The following FHIT variants were observed in gnomAD, a reference collection of about 807,000 sequenced individuals.
FHIT encodes the protein fragile histidine triad diadenosine triphosphatase.
Under a neutral mutation model 17.9 loss-of-function variants are expected in FHIT, and 19 were observed. The ratio of observed to expected loss-of-function variants is 1.06; its 90% CI spans 0.74 to 1.56. FHIT has a LOEUF of 1.56. Ranked by LOEUF, FHIT falls within the 40% of genes most tolerant of loss-of-function variation. FHIT has a pLI of 0.00. For missense variants in FHIT, 248 were observed against 189.2 expected, an observed-to-expected ratio of 1.31 and a Z score of -1.82; for synonymous variants, 81 against 69.7, an observed-to-expected ratio of 1.16 and a Z score of -0.81.
intron 4 of FHIT, among the ~76,000 whole-genome samples, chr3:60,557,692 G>A (rs2036789085): frequency 6.6e-6 from 1 of 151,830 alleles, no homozygotes; most frequent in African/African-American, 2.4e-5. Flanking sequence ...CAGTTACTAA[G>A]GGTAATTTAT....
chr3:59,831,289 T>A (rs1701154338), intron 8 of FHIT, among the ~76,000 whole-genome samples: 1 of 152,160 alleles, frequency 6.6e-6, no homozygotes. Context: ...ATGATGATGA[T>A]GATGATGATG....
Position 60,411,054 on chromosome 3 carries a change from ACC to A in FHIT, c.103+125804_103+125805del, listed in dbSNP as rs140278275. ...TTTGACAGGAGATGGAGAAGCATTA[ACC>A]CCTTATACCTATATATCTAAAATGG... On this transcript the variant is annotated intron_variant, in intron 5 of 9. Coordinates refer to ENST00000492590, the MANE Select transcript of FHIT (RefSeq NM_002012.4). Among the ~76,000 whole-genome samples the A allele has an allele frequency of 6.9e-3, 1,052 of 152,202 alleles. 9 individuals carry two copies. Among genetic ancestry groups the A allele is most frequent in the African/African-American group, 0.024 (997 of 41,532 alleles).
intron 1 of FHIT, among the ~76,000 whole-genome samples, chr3:61,248,075 T>C (rs989735688): frequency 1.3e-5 from 2 of 152,228 alleles, no homozygotes; most frequent in African/African-American, 2.4e-5. Context: ...CCTTGGAGAA[T>C]GATCTCAAAG....
intron 7 of FHIT, among the ~76,000 whole-genome samples, 159 bp downstream of exon 7, chr3:60,011,212 G>A (rs1318219988): frequency 6.6e-6 from 1 of 152,216 alleles, no homozygotes; most frequent in Non-Finnish European, 1.5e-5. Context: ...GTTTGGCAGA[G>A]TTTATAATGT....
intron 5 of FHIT, among the ~76,000 whole-genome samples, chr3:60,144,717 C>G (rs1183320288): frequency 6.6e-6 from 1 of 152,000 alleles, no homozygotes; most frequent in Non-Finnish European, 1.5e-5. Flanking sequence ...TATCCATCAC[C>G]TCATGCACTT....
chr3:60,304,477 C>T (rs1708586372), intron 5 of FHIT, among the ~76,000 whole-genome samples: 1 of 151,654 alleles, frequency 6.6e-6, no homozygotes, highest in Non-Finnish European at 1.5e-5. Context: ...GAATTTAATC[C>T]TCCCAACAAC....
chr3:59,872,462 C>T (rs189413433), intron 8 of FHIT, among the ~76,000 whole-genome samples: 16 of 152,182 alleles, frequency 1.1e-4, no homozygotes, highest in Admixed American at 3.3e-4. Flanking sequence ...TAGAAGACAA[C>T]GGCTTTGGTA....
At chr3:60,903,237 A>G (rs1211919255) in intron 3 of FHIT, among the ~76,000 whole-genome samples, 1 of 152,146 alleles carries the variant, frequency 6.6e-6, no homozygotes, top group Non-Finnish European at 1.5e-5. Context: ...TCAATGCAGA[A>G]CTCCAGTGCT....
chr3:60,779,538 A>G (rs1700313887), intron 4 of FHIT, among the ~76,000 whole-genome samples: 1 of 152,188 alleles, frequency 6.6e-6, no homozygotes, highest in Non-Finnish European at 1.5e-5. Flanking sequence ...ACGTATCCAA[A>G]TCCTGGCAAG....
At chr3:61,212,982 C>G (rs4605538) in intron 1 of FHIT, among the ~76,000 whole-genome samples, 4,115 of 152,202 alleles carry the variant, frequency 0.027, 81 homozygotes, top group Non-Finnish European at 0.039. Context: ...ACCAGGCCTG[C>G]CCTAAAAGAG....
intron 5 of FHIT, among the ~76,000 whole-genome samples, chr3:60,413,406 T>A (rs1273539999): frequency 1.3e-5 from 2 of 152,132 alleles, no homozygotes; most frequent in Non-Finnish European, 2.9e-5. Flanking sequence ...CTTCCCTGAT[T>A]TTAACAATGA....
At chr3:61,209,878 G>A (rs972905544) in intron 1 of FHIT, among the ~76,000 whole-genome samples, 1 of 152,232 alleles carries the variant, frequency 6.6e-6, no homozygotes, top group Non-Finnish European at 1.5e-5. Flanking sequence ...TTTGGAGGAG[G>A]AGAGGCACTC....
At chr3:60,429,850 A>G (rs1576639745) in intron 5 of FHIT, among the ~76,000 whole-genome samples, 1 of 152,078 alleles carries the variant, frequency 6.6e-6, no homozygotes, top group Non-Finnish European at 1.5e-5. Flanking sequence ...CTAAGTGAGG[A>G]GGTGGAAGAA....
At chr3:59,927,746 G>C (rs1705745205) in intron 7 of FHIT, among the ~76,000 whole-genome samples, 1 of 151,944 alleles carries the variant, frequency 6.6e-6, no homozygotes, top group Admixed American at 6.6e-5. Context: ...TCCAGCCTGG[G>C]TGACAGAGCA....
At chr3:60,745,424 G>C (rs782540021) in intron 4 of FHIT, among the ~76,000 whole-genome samples, 4 of 152,162 alleles carry the variant, frequency 2.6e-5, no homozygotes, top group Admixed American at 6.5e-5. Context: ...ATGGAGAGTT[G>C]GTAGGGACCG....
rs1699669651 is a variant in FHIT at position 60,133,191 on chromosome 3, A to G, written c.104-119039T>C. Reference sequence around the variant, plus strand: ...TGAAGACATGGGCTGGTGCTGATGAAGGAGGGCTATACCCCAAGCCTGGGA... The same window carrying G: ...TGAAGACATGGGCTGGTGCTGATGAGGGAGGGCTATACCCCAAGCCTGGGA... On this transcript the variant is annotated intron_variant, in intron 5 of 9. Coordinates refer to ENST00000492590, the MANE Select transcript of FHIT (RefSeq NM_002012.4). Among the ~76,000 whole-genome samples, 3 of 152,262 alleles carry G rather than the reference A, an allele frequency of 2.0e-5. No individual in the cohort carries two copies. The Middle Eastern group carries it at 0.01, about 518-fold the overall frequency.
At chr3:60,520,193 A>G (rs1358160498) in intron 5 of FHIT, among the ~76,000 whole-genome samples, 1 of 152,152 alleles carries the variant, frequency 6.6e-6, no homozygotes, top group Non-Finnish European at 1.5e-5. Context: ...TAGTATCTAC[A>G]TATATTAATG....
At chr3:61,156,597 C>G (rs2037540704) in intron 2 of FHIT, among the ~76,000 whole-genome samples, 1 of 152,012 alleles carries the variant, frequency 6.6e-6, no homozygotes, top group Non-Finnish European at 1.5e-5. Context: ...TAAATAGATT[C>G]AAGAAAATAC....
intron 5 of FHIT, among the ~76,000 whole-genome samples, chr3:60,462,700 C>T (rs894698437): frequency 6.6e-6 from 1 of 152,122 alleles, no homozygotes; most frequent in Non-Finnish European, 1.5e-5. Context: ...GGGTGGCAAA[C>T]AGGAGGTTAT....
Sources: allele counts gnomAD v4.1 joint callset (sites outside exome capture counted in the v4.1 genomes callset), GRCh38; gene constraint gnomAD v4.1.1; transcripts MANE v1.5; gene names NCBI Gene and HGNC (gene_info 2026-07-23, HGNC 2026-07-21).